ITGA10: variants seen among roughly 807,000 people sequenced by gnomAD.
The protein encoded by ITGA10 is integrin alpha-10.
ITGA10 carries 105 observed loss-of-function variants against 145.2 expected under a neutral mutation model. The ratio of observed to expected loss-of-function variants is 0.72; its 90% CI spans 0.62 to 0.85. ITGA10 has a LOEUF of 0.85. Among genes scored for constraint, ITGA10 ranks in the 40% least tolerant of loss-of-function variants. ITGA10 has a pLI of 0.00. For synonymous variants in ITGA10, 506 were observed against 557.8 expected (o/e 0.91, Z 1.31); for missense variants, 1,317 against 1,444.5 (o/e 0.91, Z 1.43).
Position 145,906,453 on chromosome 1 carries a change from A to G in ITGA10, c.422T>C (p.Ile141Thr), listed in dbSNP as rs782028244. 14 of 1,614,010 alleles carry G rather than the reference A, an allele frequency of 8.7e-6. No homozygotes were observed. Among genetic ancestry groups the G allele is most frequent in the Non-Finnish European group, 1.2e-5 (14 of 1,180,022 alleles). The change falls in exon 5 of 30, where the codon ATA (isoleucine) becomes ACA (threonine). Residue 141 changes from isoleucine to threonine, a missense_variant. By Grantham distance (89) the Ile-to-Thr change is moderately conservative. Transcript: ENST00000369304. ...GAATGAAGCATCCACACGGGCACAT[A>G]TCCCAGAACTGAAGACAGAGCTGCC... is the stretch of plus-strand genomic sequence containing the variant. Reference protein sequence around the residue: ...ACGSSVFSSGICARVDASFQP... With the variant: ...ACGSSVFSSGTCARVDASFQP...
At position 145,902,573 on chromosome 1, in the gene ITGA10, A is replaced by G; in HGVS notation, c.956T>C (p.Leu319Pro). 2 of 1,613,270 alleles carry G rather than the reference A, an allele frequency of 1.2e-6. No individual in the cohort carries two copies. The highest frequency in any genetic ancestry group is 1.7e-6 in the Non-Finnish European group (2 of 1,179,680). ...LRRQRDPSSF[L>P]REIRTIASDP... ...ACTGGCAATAGTTCTAATTTCTCTC[A>G]GGAAAGAGCTGGGATCTCGCTGCCG... Residue 319 changes from leucine to proline, a missense_variant, in exon 9 of 30, where the codon CTG becomes CCG. Leu to Pro is a moderately conservative substitution (Grantham distance 98). Transcript: ENST00000369304.
rs1654892274 is a variant in ITGA10 at position 145,892,848 on chromosome 1, G to A, written c.3454C>T (p.His1152Tyr). 1 of 1,613,654 alleles carries A rather than the reference G, an allele frequency of 6.2e-7. No homozygotes were observed. The highest frequency in any genetic ancestry group is 1.1e-5 in the South Asian group (1 of 91,054). Residue 1152 changes from histidine (H) to tyrosine (Y), a missense_variant, in exon 30 of 30, where the codon CAT (histidine) becomes TAT (tyrosine). Coordinates refer to ENST00000369304, the MANE Select transcript of ITGA10 (RefSeq NM_003637.5). ...FCLWKLGFFA[H>Y]KKIPEEEKRE... ...TTTTCTTCCTCAGGGATTTTCTTAT[G>A]GGCAAAGAAGCCAAGCTGTAGAAGA...
At position 145,901,532 on chromosome 1, in the gene ITGA10, C is replaced by T. The variant is rs587596184; in HGVS notation, c.1427G>A (p.Ser476Asn). The change falls in exon 12 of 30, where the codon AGC becomes AAC. Residue 476 changes from serine (S) to asparagine (N), a missense_variant. Coordinates refer to ENST00000369304, the MANE Select transcript of ITGA10 (RefSeq NM_003637.5). This position sits in a 1 kb window ranked among gnomAD's most constrained non-coding sequence, Gnocchi z 4.3. ...KKDGAVRVAQSLQGEQIGSYF... is the reference protein window; with the variant it reads ...KKDGAVRVAQNLQGEQIGSYF... ...ATGCCCTACCTGCTCCCCCTGGAGGCTCTGGGCAACCCTCACAGCCCCATC... is the reference window on the plus strand; with the variant it reads ...ATGCCCTACCTGCTCCCCCTGGAGGTTCTGGGCAACCCTCACAGCCCCATC... 11 of 1,582,538 alleles carry T rather than the reference C, an allele frequency of 7.0e-6. No individual in the cohort carries two copies. In the Admixed American group the frequency reaches 1.7e-4, roughly 24 times the overall value.
chr1:145,900,224 A>G (rs1415517515), intron 14 of ITGA10, 37 bp from the exon 15 acceptor site: 4 of 1,566,318 alleles, frequency 2.6e-6, no homozygotes, highest in Non-Finnish European at 3.5e-6. Context: ...GCAGGGACCC[A>G]TACACCTAGT....
rs142298807 is a variant in ITGA10, at chr1:145,897,291, G to A, written c.2623C>T (p.Arg875Trp). 103 of 1,614,004 alleles carry A rather than the reference G, an allele frequency of 6.4e-5. No homozygotes were observed. The Middle Eastern group carries it at 6.6e-4, about 10-fold the overall frequency. The change falls in exon 21 of 30, where the codon CGG becomes TGG. Residue 875 changes from arginine to tryptophan, a missense_variant. Transcript: ENST00000369304. The part of the protein sequence containing the change: ...VECAAPSAHA[R>W]LCSVGHPVFQ... ...ACAGGATGCCCCACACTGCAGAGCC[G>A]GGCATGAGCAGAAGGGGCGGCACAT...
In ITGA10 at chr1:145,904,800, A is replaced by G; in HGVS notation, c.493T>C (p.Tyr165His). 1 of 1,613,914 alleles carries G rather than the reference A, an allele frequency of 6.2e-7. No homozygotes were observed. Among genetic ancestry groups the G allele is most frequent in the Non-Finnish European group, 8.5e-7 (1 of 1,179,868 alleles). Residue 165 changes from tyrosine (Y) to histidine (H), a missense_variant, in exon 6 of 30, where the codon TAC becomes CAC. Physicochemically the swap from Tyr to His is moderately conservative, Grantham distance 83. Coordinates refer to ENST00000369304, the MANE Select transcript of ITGA10 (RefSeq NM_003637.5). ...TCCAAGACAATGACAACATCCATGT[A>G]TGTTGGGCAGCCTAGAAGGAAGGAG... ...LAPTAQRCPT[Y>H]MDVVIVLDGS... is the part of the protein sequence containing the mutation.
rs1355328785 is a variant in ITGA10 at position 145,896,031 on chromosome 1, G to C, written c.2985C>G (p.Ala995=). 1 of 1,613,986 alleles carries C rather than the reference G, an allele frequency of 6.2e-7. No individual in the cohort carries two copies. Among genetic ancestry groups the C allele is most frequent in the Non-Finnish European group, 8.5e-7 (1 of 1,180,028 alleles). Residue 995 remains alanine, a synonymous_variant, in exon 25 of 30, where the codon GCC becomes GCG. Coordinates refer to ENST00000369304, the MANE Select transcript of ITGA10 (RefSeq NM_003637.5). ...GTGATAGGAAGTAATTGCCCCCATG[G>C]GCCACAGCTGGAAGGAGGGCTGAGA... ...LIISALLPAV[A]HGGNYFLSLS...
At position 145,895,279 on chromosome 1, in the gene ITGA10, C is replaced by G; in HGVS notation, c.3228+1G>C. 4 of 1,608,890 alleles carry G rather than the reference C, an allele frequency of 2.5e-6. No homozygotes were observed. Among genetic ancestry groups the G allele is most frequent in the Non-Finnish European group, 2.6e-6 (3 of 1,175,486 alleles). On this transcript the variant is annotated splice_donor_variant, in intron 27 of 29. Coordinates refer to ENST00000369304, the MANE Select transcript of ITGA10 (RefSeq NM_003637.5). LOFTEE classifies it high-confidence loss of function. ...GGAGTACTAGAAAAGGAAAGGCTTA[C>G]TCTTCGGAAAAATTCATTGTGAACC...
At chr1:145,892,994 C>T in intron 29 of ITGA10, 131 bp from the exon 30 acceptor site, 2 of 957,024 alleles carry the variant, frequency 2.1e-6, no homozygotes, top group Non-Finnish European at 3.3e-6. Flanking sequence ...TTTTATTTGG[C>T]TTAGAATAAT....
rs191651319 is a variant in ITGA10, at chr1:145,891,922, G to C, written c.*876C>G. On this transcript the variant is annotated 3_prime_UTR_variant, in exon 30 of 30. Coordinates refer to ENST00000369304, the MANE Select transcript of ITGA10 (RefSeq NM_003637.5). ...TGTCTGCTTTCTAAGCAGGCCCCAA[G>C]GAGGGCTCAAGAGTGAGTATAAGAC... 1.5e-4 allele frequency: 23 copies of C among 152,402 alleles called. No individual in the cohort carries two copies. Among genetic ancestry groups the C allele is most frequent in the African/African-American group, 5.3e-4 (22 of 41,584 alleles). The allele number at this position is 152,402 out of a possible 1,614,324, so 9.4% of individuals were successfully genotyped here. A position where few individuals can be genotyped will look rare whatever the true frequency, so the allele number is the denominator to read the frequency against.
intron 25 of ITGA10, 32 bp downstream of exon 25, chr1:145,895,951 C>T: frequency 6.5e-7 from 1 of 1,532,850 alleles, no homozygotes; most frequent in East Asian, 2.2e-5. Context: ...CTCAAGGTGG[C>T]AGGATTCCAT....
intron 6 of ITGA10, 23 bp downstream of exon 6, chr1:145,904,661 C>T (rs1553750465): frequency 1.9e-6 from 3 of 1,613,346 alleles, no homozygotes; most frequent in Non-Finnish European, 2.5e-6. Context: ...CAACTGTGCC[C>T]AGCTCATATT....
intron 7 of ITGA10, 21 bp from the exon 8 acceptor site, chr1:145,902,982 G>GAA: frequency 6.4e-7 from 1 of 1,565,326 alleles, no homozygotes. Flanking sequence ...AAAGGAGTGA[G>GAA]GTGAGATCAG....
chr1:145,902,312 A>G lies in ITGA10; in HGVS notation c.1083T>C (p.His361=). The stretch of plus-strand genomic sequence containing the variant: ...GCCCAAAGGAGCTTTCGTTTTCTGC[A>G]TGGGACCCTTGGTCATGAGAAAACA... ...GDRIFGLEGS[H]AENESSFGLE... The change falls in exon 10 of 30, where the codon CAT becomes CAC. Residue 361 remains histidine, a synonymous_variant. Transcript: ENST00000369304. 6.2e-7 allele frequency: 1 copy of G among 1,614,152 alleles called. No homozygotes were observed. The highest frequency in any genetic ancestry group is 8.5e-7 in the Non-Finnish European group (1 of 1,179,990).
chr1:145,897,185 GA>G, intron 21 of ITGA10, 61 bp downstream of exon 21: 1 of 1,580,494 alleles, frequency 6.3e-7, no homozygotes, highest in Non-Finnish European at 8.7e-7. Flanking sequence ...GAAGTCCCAG[GA>G]CCCTCAGATC....
intron 18 of ITGA10, 34 bp downstream of exon 18, chr1:145,898,076 T>C: frequency 6.7e-7 from 1 of 1,493,412 alleles, no homozygotes; most frequent in Admixed American, 1.7e-5. Flanking sequence ...GAGGGCAGTG[T>C]TGGGAGCAAG....
rs587685338 is a variant in ITGA10, at chr1:145,907,897, T to C, written c.53-432A>G. Among the ~76,000 whole-genome samples, 8 of 150,650 alleles carry C rather than the reference T, an allele frequency of 5.3e-5. No individual in the cohort carries two copies. The South Asian group carries it at 1.7e-3, about 32-fold the overall frequency. ...GCCATTCTCCTGCCTCAGCCTCCCG[T>C]GTAGCTGGCACTACAGGCGCCTGCC... On this transcript the variant is annotated intron_variant, in intron 1 of 29. Coordinates refer to ENST00000369304, the MANE Select transcript of ITGA10 (RefSeq NM_003637.5).
chr1:145,909,266 C>T (rs1553752424), intron 1 of ITGA10, among the ~76,000 whole-genome samples: 1 of 151,130 alleles, frequency 6.6e-6, no homozygotes, highest in East Asian at 1.9e-4. Context: ...TGCCACTGCA[C>T]TCCAGCTTGA....
At chr1:145,897,961 G>C (rs1420007352) in intron 18 of ITGA10, 61 bp from the exon 19 acceptor site, 2 of 1,457,476 alleles carry the variant, frequency 1.4e-6, no homozygotes, top group African/African-American at 1.4e-5. Flanking sequence ...GAATAGAATA[G>C]GGGGAAAGTG....
Sources: allele counts gnomAD v4.1 joint callset (sites outside exome capture counted in the v4.1 genomes callset), GRCh38; gene constraint gnomAD v4.1.1; non-coding constraint Gnocchi (gnomAD v3.1); transcripts MANE v1.5; gene names NCBI Gene and HGNC (gene_info 2026-07-23, HGNC 2026-07-21).